PLXNB2: variants seen among roughly 807,000 people sequenced by gnomAD.
PLXNB2 encodes plexin-B2.
PLXNB2 carries 85 observed loss-of-function variants against 202.6 expected under a neutral mutation model. The observed-to-expected ratio is 0.42, with a 90% confidence interval of 0.35 to 0.50. PLXNB2 has a LOEUF of 0.50. Ranked by LOEUF, PLXNB2 falls within the 20% of genes least tolerant of loss-of-function variation. The probability of loss-of-function intolerance (pLI) is 0.02; values close to 1 mark genes in which losing one functional copy is unlikely to be tolerated. For synonymous variants in PLXNB2, 1,239 were observed against 1,137.6 expected (o/e 1.09, Z -1.79); for missense variants, 2,063 against 2,586.2 (o/e 0.80, Z 4.39).
In PLXNB2 at chr22:50,288,901, TACGGGCCTTGTGCACAG is replaced by T. The variant is rs2066664144; in HGVS notation, c.1251+42_1252-31del. 1.2e-6 allele frequency: 2 copies of T among 1,611,986 alleles called. No homozygotes were observed. Among genetic ancestry groups the T allele is most frequent in the Non-Finnish European group, 1.7e-6 (2 of 1,179,148 alleles). ...GTGCGCGAGGGCAGGCCGGTGAGGG[TACGGGCCTTGTGCACAG>T]ACGGGCCCTCCAGAGCCTCCCCGCC... is the stretch of plus-strand genomic sequence containing the variant. On this transcript the variant is annotated intron_variant, in intron 4 of 36. Transcript: ENST00000359337. This position sits in a 1 kb window ranked among gnomAD's most constrained non-coding sequence, Gnocchi z 5.0.
At chr22:50,279,064 C>G in intron 27 of PLXNB2, 53 bp from the exon 28 acceptor site, 1 of 1,527,948 alleles carries the variant, frequency 6.5e-7, no homozygotes, top group East Asian at 2.3e-5. Context: ...CTTACCTGCA[C>G]CATGCAGGAG....
rs774943222 is a variant in PLXNB2, at chr22:50,277,621, G to C, written c.5166C>G (p.Ala1722=). The C allele has an allele frequency of 3.1e-6, 5 of 1,599,298 alleles. No individual in the cohort carries two copies. The highest frequency in any genetic ancestry group is 3.4e-5 in the Admixed American group (2 of 58,930). Residue 1722 remains alanine (A), a synonymous_variant, in exon 33 of 37, where the codon GCC becomes GCG. Coordinates refer to ENST00000359337, the MANE Select transcript of PLXNB2 (RefSeq NM_012401.4). ...TCAGCTTATGCTCCGTGCGCGTGCA[G>C]GCATCCATGAAGGTCTGCGCGATGA... is the stretch of plus-strand genomic sequence containing the variant. ...LSVIAQTFMD[A]CTRTEHKLSR...
At chr22:50,282,427 G>A (rs2066066987) in intron 18 of PLXNB2, 114 bp from the exon 19 acceptor site, 2 of 1,131,486 alleles carry the variant, frequency 1.8e-6, no homozygotes, top group Non-Finnish European at 2.5e-6. Context: ...AGGTGCATGT[G>A]TGGGTCTCGG....
At chr22:50,282,577 G>A (rs2147396291) in intron 18 of PLXNB2, 134 bp downstream of exon 18, 3 of 684,366 alleles carry the variant, frequency 4.4e-6, no homozygotes, top group Non-Finnish European at 7.0e-6. Context: ...CTGGAGTGCA[G>A]TGGGGTTTTC....
chr22:50,288,357 G>GGCCCCAA lies in PLXNB2; in HGVS notation c.1381-321_1381-320insTTGGGGC. Among the ~76,000 whole-genome samples, 1 of 152,188 alleles carries GGCCCCAA rather than the reference G, an allele frequency of 6.6e-6. No homozygotes were observed. Among genetic ancestry groups the GGCCCCAA allele is most frequent in the South Asian group, 2.1e-4 (1 of 4,826 alleles). On this transcript the variant is annotated intron_variant, in intron 5 of 36. Coordinates refer to ENST00000359337, the MANE Select transcript of PLXNB2 (RefSeq NM_012401.4). This position sits in a 1 kb window ranked among gnomAD's most constrained non-coding sequence, Gnocchi z 5.0. ...CTGGCACTAACCCCCCACAAGCTTG[G>GGCCCCAA]GGCCCAGGCCCATGTTCTCCACTGA...
chr22:50,286,889 A>G (rs1462940530), intron 8 of PLXNB2, among the ~76,000 whole-genome samples: 2 of 152,116 alleles, frequency 1.3e-5, no homozygotes, highest in Non-Finnish European at 2.9e-5. Flanking sequence ...CACCTTTGCT[A>G]CAGGCCTGGG....
chr22:50,277,389 G>C (rs1020692979), intron 33 of PLXNB2, among the ~76,000 whole-genome samples: 3 of 152,178 alleles, frequency 2.0e-5, no homozygotes, highest in African/African-American at 7.2e-5. Context: ...GTCTCAGGAG[G>C]AGAGAGGGCA....
intron 35 of PLXNB2, 60 bp downstream of exon 35, chr22:50,276,569 C>T (rs371209526): frequency 1.0e-4 from 142 of 1,402,990 alleles, no homozygotes; most frequent in Non-Finnish European, 1.6e-5. Context: ...CAGGGCCAGG[C>T]TCAGCATGGG....
intron 1 of PLXNB2, among the ~76,000 whole-genome samples, chr22:50,305,254 C>A (rs1470215896): frequency 6.6e-6 from 1 of 152,180 alleles, no homozygotes; most frequent in Non-Finnish European, 1.5e-5. Context: ...GCCATATGGG[C>A]CCTCCCCACC....
At position 50,275,473 on chromosome 22, in the gene PLXNB2, G is replaced by T. The variant is rs765836639; in HGVS notation, c.*231C>A. 1.8e-5 allele frequency: 12 copies of T among 654,012 alleles called. No individual in the cohort carries two copies. The highest frequency in any genetic ancestry group is 2.8e-5 in the Non-Finnish European group (10 of 353,560). The allele number at this position is 654,012 out of a possible 1,614,324, so 40.5% of individuals were successfully genotyped here. A position where few individuals can be genotyped will look rare whatever the true frequency, so the allele number is the denominator to read the frequency against. ...AGTGAACACCCGATGCTGGTTCTGC[G>T]GCCGGAGGGAGCTGGGGCTGGGGCT... is the stretch of plus-strand genomic sequence containing the variant. On this transcript the variant is annotated 3_prime_UTR_variant, in exon 37 of 37. Coordinates refer to ENST00000359337, the MANE Select transcript of PLXNB2 (RefSeq NM_012401.4).
intron 28 of PLXNB2, 64 bp from the exon 29 acceptor site, chr22:50,278,760 C>G (rs1395190563): frequency 3.2e-5 from 51 of 1,583,982 alleles, no homozygotes; most frequent in Non-Finnish European, 4.1e-5. Flanking sequence ...GCCCACCACT[C>G]CCATATGAGA....
At chr22:50,280,312 TC>T (rs1241345274) in intron 25 of PLXNB2, among the ~76,000 whole-genome samples, 176 bp downstream of exon 25, 1 of 151,980 alleles carries the variant, frequency 6.6e-6, no homozygotes, top group Admixed American at 6.5e-5. Context: ...AGGGCTAGAG[TC>T]CGGCTTTGAG....
chr22:50,276,756 G>T lies in PLXNB2; in HGVS notation c.5262-52C>A, dbSNP rs369137337. ...GTGGGCGGCAGGGACCACAAAGGGG[G>T]TGGTGGGGGAAACCAAGGCCTGAAC... On this transcript the variant is annotated intron_variant, in intron 34 of 36. Coordinates refer to ENST00000359337, the MANE Select transcript of PLXNB2 (RefSeq NM_012401.4). 194 of 1,598,176 alleles carry T rather than the reference G, an allele frequency of 1.2e-4. 1 individual carries two copies. The African/African-American group carries it at 2.1e-3, about 17-fold the overall frequency.
chr22:50,289,374 G>A lies in PLXNB2; in HGVS notation c.1068+143C>T, dbSNP rs765111967. 1.0e-4 allele frequency: 114 copies of A among 1,128,536 alleles called. No homozygotes were observed. The highest frequency in any genetic ancestry group is 1.1e-4 in the Non-Finnish European group (91 of 817,344). The allele number at this position is 1,128,536 out of a possible 1,614,324, so 69.9% of individuals were successfully genotyped here. A position where few individuals can be genotyped will look rare whatever the true frequency, so the allele number is the denominator to read the frequency against. On this transcript the variant is annotated intron_variant, in intron 3 of 36. Coordinates refer to ENST00000359337, the MANE Select transcript of PLXNB2 (RefSeq NM_012401.4). The surrounding 1 kb of genome is among the most constrained non-coding windows in gnomAD (Gnocchi z 8.0). ...CAGCGTGAATGGCATTGAGAGATGC[G>A]GCACCCACCCACGCAAGCGCCCAGG...
At chr22:50,296,359 C>G (rs2067269013) in intron 1 of PLXNB2, among the ~76,000 whole-genome samples, 1 of 151,976 alleles carries the variant, frequency 6.6e-6, no homozygotes, top group Admixed American at 6.6e-5. Flanking sequence ...CTGCAGTGAA[C>G]TATGATTGTG....
intron 18 of PLXNB2, 118 bp downstream of exon 18, chr22:50,282,593 G>A: frequency 6.7e-6 from 5 of 749,624 alleles, no homozygotes; most frequent in Non-Finnish European, 8.2e-6. Flanking sequence ...TTTTCCGGAG[G>A]CCGCCTCCCG....
chr22:50,292,788 A>G (rs1461916463), intron 2 of PLXNB2, among the ~76,000 whole-genome samples: 1 of 152,194 alleles, frequency 6.6e-6, no homozygotes, highest in Non-Finnish European at 1.5e-5. Context: ...TTGAGGTGTA[A>G]CCAAGACGCA....
At position 50,278,282 on chromosome 22, in the gene PLXNB2, C is replaced by T. The variant is rs374439102; in HGVS notation, c.4733-11G>A. 38 of 1,609,930 alleles carry T rather than the reference C, an allele frequency of 2.4e-5. No individual in the cohort carries two copies. The highest frequency in any genetic ancestry group is 5.3e-5 in the African/African-American group (4 of 74,900). ...CCAGGAGGGCATGGCCTGTGGGGAG[C>T]GGGCACTGAGGGACCCCTACCCAGG... On this transcript the variant is annotated splice_polypyrimidine_tract_variant and intron_variant, in intron 30 of 36. Transcript: ENST00000359337.
chr22:50,297,213 C>T lies in PLXNB2; in HGVS notation c.-73-2435G>A, dbSNP rs375354963. Among the ~76,000 whole-genome samples, 10 of 152,146 alleles carry T rather than the reference C, an allele frequency of 6.6e-5. No individual in the cohort carries two copies. Among genetic ancestry groups the T allele is most frequent in the Admixed American group, 2.0e-4 (3 of 15,286 alleles). The stretch of plus-strand genomic sequence containing the variant: ...CTGCCATCTTGAAGGGACGCCACAC[C>T]GGCCTGTGTGCCCCATGCCCACTCC... On this transcript the variant is annotated intron_variant, in intron 1 of 36. Transcript: ENST00000359337. The surrounding 1 kb of genome is among the most constrained non-coding windows in gnomAD (Gnocchi z 5.3).
Sources: gnomAD v4.1 joint callset for allele counts (sites outside exome capture counted in the v4.1 genomes callset) on GRCh38, gnomAD v4.1.1 for gene constraint, Gnocchi (gnomAD v3.1) non-coding constraint, MANE v1.5 for transcripts, NCBI Gene and HGNC (gene_info 2026-07-23, HGNC 2026-07-21) for gene names.